The following CLDN10 variants were observed in gnomAD, a reference collection of about 807,000 sequenced individuals.
CLDN10 encodes the protein claudin-10.
Under a neutral mutation model 22.9 loss-of-function variants are expected in CLDN10, and 15 were observed. That is an observed-to-expected ratio of 0.65 (90% CI 0.44 to 1.01). CLDN10 has a LOEUF of 1.01. Ranked by LOEUF, CLDN10 falls within the 50% of genes least tolerant of loss-of-function variation. CLDN10 has a pLI of 0.00. For missense variants in CLDN10, 247 were observed against 287.8 expected (o/e 0.86, Z 1.03); for synonymous variants, 114 against 111.4 (o/e 1.02, Z -0.15).
At chr13:95,458,829 G>A (rs1253166921) in intron 1 of CLDN10, among the ~76,000 whole-genome samples, 1 of 152,034 alleles carries the variant, frequency 6.6e-6, no homozygotes, top group African/African-American at 2.4e-5. Flanking sequence ...ACTCATTCCA[G>A]TATTAACCCA....
chr13:95,505,004 G>A (rs189726845), intron 1 of CLDN10, among the ~76,000 whole-genome samples: 58 of 152,316 alleles, frequency 3.8e-4, no homozygotes, highest in East Asian at 5.8e-4. Context: ...ACTCAAGAAC[G>A]TTTAACTATT....
At chr13:95,561,323 C>A (rs1343167691) in intron 3 of CLDN10, among the ~76,000 whole-genome samples, 1 of 152,042 alleles carries the variant, frequency 6.6e-6, no homozygotes, top group Non-Finnish European at 1.5e-5. Flanking sequence ...GTCAGCTGGG[C>A]TTTACTTTTT....
intron 1 of CLDN10, among the ~76,000 whole-genome samples, chr13:95,471,394 C>G (rs115945455): frequency 0.01 from 1,512 of 146,144 alleles, 21 homozygotes; most frequent in African/African-American, 0.037. Flanking sequence ...CATACACACA[C>G]ATGTATATAT....
intron 1 of CLDN10, among the ~76,000 whole-genome samples, chr13:95,451,529 C>T (rs114995340): frequency 0.011 from 1,679 of 152,270 alleles, 30 homozygotes; most frequent in African/African-American, 0.038. Context: ...CTCCTGGGCT[C>T]AAGCTATCCT....
intron 3 of CLDN10, among the ~76,000 whole-genome samples, chr13:95,570,506 C>T (rs1423315491): frequency 6.6e-6 from 1 of 152,138 alleles, no homozygotes; most frequent in East Asian, 1.9e-4. Context: ...GAATAATTTT[C>T]AAGAATTAGT....
At chr13:95,485,759 T>C (rs1272867790) in intron 1 of CLDN10, among the ~76,000 whole-genome samples, 1 of 152,240 alleles carries the variant, frequency 6.6e-6, no homozygotes, top group Non-Finnish European at 1.5e-5. Context: ...ATTCTAGCCG[T>C]GCTTTGAGGC....
Position 95,567,295 on chromosome 13 carries a change from G to C in CLDN10, c.464+6832G>C, listed in dbSNP as rs531474109. On this transcript the variant is annotated intron_variant, in intron 3 of 4. Coordinates refer to ENST00000299339, the MANE Select transcript of CLDN10 (RefSeq NM_006984.5). ...ATTTGTTCATGTCCTCTTTTATTTT[G>C]TTGAGCAGTGGTTTGTAGTTCTCCT... 3.9e-5 allele frequency among the ~76,000 whole-genome samples: 6 copies of C among 152,082 alleles called. No individual in the cohort carries two copies. The South Asian group carries it at 1.2e-3, about 32-fold the overall frequency.
rs2043970489 is a variant in CLDN10, at chr13:95,578,527, ATT to A, written c.*515_*516del. On this transcript the variant is annotated 3_prime_UTR_variant, in exon 5 of 5. Coordinates refer to ENST00000299339, the MANE Select transcript of CLDN10 (RefSeq NM_006984.5). ...TTTTTTTAAGTATTCTACAACATTT[ATT>A]TAAAAAGGTAAATCTTTTTGTTGAA... is the stretch of plus-strand genomic sequence containing the variant. 1 of 152,244 alleles carries A rather than the reference ATT, an allele frequency of 6.6e-6. No homozygotes were observed. 9.4% of individuals were successfully genotyped at this position (152,244 alleles called of 1,614,324 possible).
chr13:95,543,000 G>A (rs756877970), intron 1 of CLDN10, among the ~76,000 whole-genome samples: 1 of 150,200 alleles, frequency 6.7e-6, no homozygotes, highest in Non-Finnish European at 1.5e-5. Context: ...GGGAGGCCAA[G>A]GCAGGTGGAT....
At chr13:95,485,409 C>G (rs2042795259) in intron 1 of CLDN10, among the ~76,000 whole-genome samples, 1 of 152,184 alleles carries the variant, frequency 6.6e-6, no homozygotes, top group African/African-American at 2.4e-5. Context: ...GTCAAGGCAG[C>G]ACTTAGTTTT....
intron 1 of CLDN10, among the ~76,000 whole-genome samples, chr13:95,507,647 G>C (rs571373590): frequency 6.6e-6 from 1 of 151,238 alleles, no homozygotes; most frequent in East Asian, 2.0e-4. Flanking sequence ...TTTTGAGACA[G>C]AGTTCTGCTC....
intron 1 of CLDN10, among the ~76,000 whole-genome samples, chr13:95,510,422 CT>C (rs2043084139): frequency 6.6e-6 from 1 of 152,154 alleles, no homozygotes; most frequent in African/African-American, 2.4e-5. Flanking sequence ...TCCAGAAGGT[CT>C]TTGTATTTTG....
intron 1 of CLDN10, among the ~76,000 whole-genome samples, chr13:95,510,521 A>G (rs2043085240): frequency 6.6e-6 from 1 of 152,202 alleles, no homozygotes; most frequent in African/African-American, 2.4e-5. Flanking sequence ...TTTTAAGGGT[A>G]AAGATCTTAT....
At chr13:95,570,614 ATCCTGGCCCGGGCCAGAG>A (rs1017933435) in intron 3 of CLDN10, among the ~76,000 whole-genome samples, 4 of 152,022 alleles carry the variant, frequency 2.6e-5, no homozygotes, top group Non-Finnish European at 5.9e-5. Flanking sequence ...CTCAGCTCAG[ATCCTGGCCCGGGCCAGAG>A]TCCTGGCCCT....
chr13:95,546,191 T>G (rs2043507623), intron 1 of CLDN10, among the ~76,000 whole-genome samples: 1 of 152,166 alleles, frequency 6.6e-6, no homozygotes, highest in South Asian at 2.1e-4. Context: ...CTTAATGCAT[T>G]TTGTGCATGT....
chr13:95,471,440 C>CATATATATATATATAT, intron 1 of CLDN10, among the ~76,000 whole-genome samples: 1 of 104,382 alleles, frequency 9.6e-6, no homozygotes, highest in East Asian at 3.3e-4. Context: ...CACACACACA[C>CATATATATATATATAT]ATATATATAT....
At chr13:95,480,496 T>C (rs985957153) in intron 1 of CLDN10, among the ~76,000 whole-genome samples, 1 of 152,308 alleles carries the variant, frequency 6.6e-6, no homozygotes, top group East Asian at 1.9e-4. Context: ...CTGGCAGCCA[T>C]TGTGGTCCCC....
intron 1 of CLDN10, among the ~76,000 whole-genome samples, chr13:95,499,617 G>A (rs554603664): frequency 1.3e-5 from 2 of 152,280 alleles, no homozygotes; most frequent in East Asian, 3.9e-4. Context: ...ACAGGCACCG[G>A]GGCAGACTGA....
At chr13:95,541,391 T>C (rs1408838739) in intron 1 of CLDN10, among the ~76,000 whole-genome samples, 1 of 152,130 alleles carries the variant, frequency 6.6e-6, no homozygotes, top group East Asian at 1.9e-4. Flanking sequence ...AAAGGGCAAA[T>C]CTCTGGAGTA....
Sources: allele counts gnomAD v4.1 joint callset (sites outside exome capture counted in the v4.1 genomes callset), GRCh38; gene constraint gnomAD v4.1.1; transcripts MANE v1.5; gene names NCBI Gene and HGNC (gene_info 2026-07-23, HGNC 2026-07-21).